Variants in PDZRN4 observed in about 807,000 individuals in gnomAD.
PDZRN4 encodes the protein PDZ domain-containing RING finger protein 4.
A neutral mutation model predicts 99.0 loss-of-function variants in PDZRN4; 70 were observed. The observed-to-expected ratio is 0.71, with a 90% CI of 0.58 to 0.86. PDZRN4 has a LOEUF of 0.86. Ranked by LOEUF, PDZRN4 falls within the 40% of genes least tolerant of loss-of-function variation. PDZRN4 has a pLI of 0.00. For synonymous variants in PDZRN4, 551 were observed against 501.6 expected (o/e 1.10, Z -1.32); for missense variants, 1,474 against 1,331.2 (o/e 1.11, Z -1.67).
At chr12:41,553,555 A>G (rs1939095192) in intron 6 of PDZRN4, among the ~76,000 whole-genome samples, 1 of 151,554 alleles carries the variant, frequency 6.6e-6, no homozygotes, top group Admixed American at 6.6e-5. Context: ...TTAGTCAGTC[A>G]TGGTGGCATA....
At chr12:41,331,778 G>C (rs553218372) in intron 3 of PDZRN4, among the ~76,000 whole-genome samples, 48 of 152,166 alleles carry the variant, frequency 3.2e-4, no homozygotes, top group African/African-American at 9.9e-4. Flanking sequence ...GGCGGCAGGA[G>C]AGAGAATGAG....
intron 3 of PDZRN4, among the ~76,000 whole-genome samples, chr12:41,222,915 T>G (rs1950967865): frequency 6.6e-6 from 1 of 152,194 alleles, no homozygotes; most frequent in Non-Finnish European, 1.5e-5. Context: ...GTATCTATGG[T>G]GTATATCCTA....
intron 3 of PDZRN4, among the ~76,000 whole-genome samples, chr12:41,216,599 C>CT (rs1189419159): frequency 6.6e-6 from 1 of 151,944 alleles, no homozygotes; most frequent in African/African-American, 2.4e-5. Flanking sequence ...ATCTGAAAGC[C>CT]TGCATATTCT....
chr12:41,510,436 AC>A (rs1344831834), intron 5 of PDZRN4, among the ~76,000 whole-genome samples: 1 of 152,118 alleles, frequency 6.6e-6, no homozygotes, highest in African/African-American at 2.4e-5. Context: ...TTTATTCTTC[AC>A]ATGGTTTAAT....
intron 3 of PDZRN4, among the ~76,000 whole-genome samples, chr12:41,292,111 G>A (rs1435123965): frequency 6.6e-6 from 1 of 152,130 alleles, no homozygotes; most frequent in Non-Finnish European, 1.5e-5. Context: ...GAAAAAAGTG[G>A]GTCAGGCATA....
chr12:41,570,557 G>C (rs7314452), intron 9 of PDZRN4, among the ~76,000 whole-genome samples: 21,695 of 151,906 alleles, frequency 0.14, 1,667 homozygotes, highest in South Asian at 0.28. Flanking sequence ...AGCATAATTT[G>C]TCATTATTAT....
At chr12:41,336,358 T>G (rs1036656608) in intron 3 of PDZRN4, among the ~76,000 whole-genome samples, 1 of 152,138 alleles carries the variant, frequency 6.6e-6, no homozygotes, top group African/African-American at 2.4e-5. Flanking sequence ...TGATTACTGC[T>G]GAGTCAGATA....
chr12:41,264,537 C>CTGTG (rs111680503), intron 3 of PDZRN4, among the ~76,000 whole-genome samples: 18,452 of 152,042 alleles, frequency 0.12, 1,961 homozygotes, highest in African/African-American at 0.28. Flanking sequence ...CTCTGCCTCT[C>CTGTG]TGAGTTTTGA....
intron 3 of PDZRN4, among the ~76,000 whole-genome samples, chr12:41,311,831 G>GT (rs1303630602): frequency 6.6e-6 from 1 of 152,058 alleles, no homozygotes; most frequent in Non-Finnish European, 1.5e-5. Flanking sequence ...AAGAAAACAT[G>GT]TTAGAAAATT....
At chr12:41,521,419 A>G (rs1214346065) in intron 5 of PDZRN4, among the ~76,000 whole-genome samples, 1 of 152,132 alleles carries the variant, frequency 6.6e-6, no homozygotes, top group East Asian at 1.9e-4. Flanking sequence ...AAAGTTATAC[A>G]TTGTATAAGA....
At chr12:41,252,820 C>A (rs183092769) in intron 3 of PDZRN4, among the ~76,000 whole-genome samples, 4 of 152,170 alleles carry the variant, frequency 2.6e-5, no homozygotes. Context: ...GAAGAATTTA[C>A]AATAAATGAA....
chr12:41,565,517 ATG>A (rs1420519139), intron 8 of PDZRN4, among the ~76,000 whole-genome samples: 3 of 115,734 alleles, frequency 2.6e-5, no homozygotes, highest in African/African-American at 1.0e-4. Context: ...TCATTGTTGT[ATG>A]TTTTTTTTTT....
At chr12:41,376,381 A>G (rs1952080484) in intron 3 of PDZRN4, among the ~76,000 whole-genome samples, 2 of 152,126 alleles carry the variant, frequency 1.3e-5, no homozygotes, top group South Asian at 4.1e-4. Flanking sequence ...CATCCTCATA[A>G]ACATTTGTTA....
At chr12:41,568,698 T>G (rs7961155) in intron 9 of PDZRN4, among the ~76,000 whole-genome samples, 49,322 of 152,020 alleles carry the variant, frequency 0.32, 8,736 homozygotes, top group Admixed American at 0.4. Context: ...GTTCAATGTA[T>G]TCTAGATTTT....
chr12:41,327,423 ATT>A (rs1163422335), intron 3 of PDZRN4, among the ~76,000 whole-genome samples: 3 of 152,202 alleles, frequency 2.0e-5, no homozygotes. Context: ...ATTGTTTGGA[ATT>A]TACAGGGAAA....
intron 3 of PDZRN4, among the ~76,000 whole-genome samples, chr12:41,469,742 T>C (rs1190046605): frequency 7.9e-5 from 12 of 152,040 alleles, no homozygotes; most frequent in Admixed American, 5.9e-4. Flanking sequence ...CCATCCTGGC[T>C]AACACGGTGA....
chr12:41,398,396 C>CA (rs111428805), intron 3 of PDZRN4, among the ~76,000 whole-genome samples: 5,397 of 139,936 alleles, frequency 0.039, 313 homozygotes, highest in African/African-American at 0.13. Context: ...AGTGATTAGA[C>CA]AAAAAAAAAA....
rs528937730 is a variant in PDZRN4 at position 41,473,097 on chromosome 12, G to GTT, written c.844-33356_844-33355dup. 7.3e-3 allele frequency among the ~76,000 whole-genome samples: 1,093 copies of GTT among 149,736 alleles called. 15 individuals are homozygous for GTT. Among genetic ancestry groups the GTT allele is most frequent in the African/African-American group, 0.025 (995 of 40,512 alleles). On this transcript the variant is annotated intron_variant, in intron 3 of 9. Coordinates refer to ENST00000402685, the MANE Select transcript of PDZRN4 (RefSeq NM_001164595.2). Reference sequence around the variant, plus strand: ...AAGTTGGGTAAGATATTACAGTTTTGTTTTATTTTTTAAGTAAAGCCTTAT... The same window carrying GTT: ...AAGTTGGGTAAGATATTACAGTTTTGTTTTTTATTTTTTAAGTAAAGCCTTAT...
At chr12:41,452,998 A>G (rs1478159325) in intron 3 of PDZRN4, among the ~76,000 whole-genome samples, 2 of 152,112 alleles carry the variant, frequency 1.3e-5, no homozygotes, top group Non-Finnish European at 2.9e-5. Flanking sequence ...TAGAACTATG[A>G]TGCAATCTTA....
Sources: gnomAD v4.1 joint callset for allele counts (sites outside exome capture counted in the v4.1 genomes callset) on GRCh38, gnomAD v4.1.1 for gene constraint, MANE v1.5 for transcripts, NCBI Gene and HGNC (gene_info 2026-07-23, HGNC 2026-07-21) for gene names.